The following TRMT61B variants were observed in gnomAD, a reference collection of about 807,000 sequenced individuals.
TRMT61B encodes tRNA (adenine(58)-N(1))-methyltransferase, mitochondrial.
In TRMT61B, 56 loss-of-function variants were observed where a neutral mutation model predicts 52.0. The observed-to-expected ratio is 1.08, with a 90% CI of 0.87 to 1.35. The LOEUF (loss-of-function observed/expected upper bound fraction) is 1.35. Ranked by LOEUF, TRMT61B falls within the 40% of genes most tolerant of loss-of-function variation. The probability of loss-of-function intolerance (pLI) is 0.00; values close to 1 mark genes in which losing one functional copy is unlikely to be tolerated. For missense variants in TRMT61B, 650 were observed against 577.9 expected, an observed-to-expected ratio of 1.12 and a Z score of -1.28; for synonymous variants, 206 against 220.0, an observed-to-expected ratio of 0.94 and a Z score of 0.56.
At chr2:28,858,171 G>A (rs1438114108) in intron 3 of TRMT61B, among the ~76,000 whole-genome samples, 3 of 151,476 alleles carry the variant, frequency 2.0e-5, no homozygotes, top group Non-Finnish European at 4.4e-5. Flanking sequence ...CTCCCCAGTA[G>A]CTGGGACTAC....
chr2:28,861,027 G>T, intron 3 of TRMT61B, 91 bp downstream of exon 3: 1 of 1,086,814 alleles, frequency 9.2e-7, no homozygotes, highest in Non-Finnish European at 1.3e-6. Flanking sequence ...TGAAGCAAAC[G>T]AAGGAAGACC....
intron 2 of TRMT61B, among the ~76,000 whole-genome samples, chr2:28,862,949 G>A (rs545968871): frequency 4.6e-5 from 7 of 151,902 alleles, no homozygotes; most frequent in Admixed American, 3.3e-4. Context: ...CAATTCCAGA[G>A]AGGAGTACTA....
At chr2:28,861,346 TCA>T in intron 2 of TRMT61B, 38 bp from the exon 3 acceptor site, 1 of 1,473,758 alleles carries the variant, frequency 6.8e-7, no homozygotes, top group Middle Eastern at 1.8e-4. Flanking sequence ...ATAATATTAA[TCA>T]GTTTATTAAA....
intron 3 of TRMT61B, among the ~76,000 whole-genome samples, chr2:28,855,790 G>C (rs1318558744): frequency 6.6e-6 from 1 of 152,166 alleles, no homozygotes; most frequent in African/African-American, 2.4e-5. Flanking sequence ...CCAACATGGT[G>C]AAACCCTGTC....
At position 28,869,451 on chromosome 2, in the gene TRMT61B, T is replaced by A. The variant is rs532228290; in HGVS notation, c.699+128A>T. 9.6e-4 allele frequency: 608 copies of A among 636,246 alleles called. 2 individuals carry two copies. The highest frequency in any genetic ancestry group is 1.5e-3 in the Admixed American group (55 of 36,526). The allele number at this position is 636,246 out of a possible 1,614,324, so 39.4% of individuals were successfully genotyped here. ...AAAAGTTATAACCATTGGTTTATTT[T>A]AAAAGCCTGAGTACAATAAAAAATC... On this transcript the variant is annotated intron_variant, in intron 1 of 6. Transcript: ENST00000306108.
chr2:28,870,231 T>C lies in TRMT61B; in HGVS notation c.47A>G (p.Gln16Arg). ...CRGPVLLCLR[Q>R]GLGTNSFLHG... is the part of the protein sequence containing the mutation. ...CAGGAATGAATTGGTTCCGAGCCCC[T>C]GCCGCAGGCACAGCAAGACAGGACC... Residue 16 changes from glutamine to arginine, a missense_variant, in exon 1 of 7, where the codon CAG becomes CGG. By Grantham distance (43) the Gln-to-Arg change is conservative (BLOSUM62 1). Coordinates refer to ENST00000306108, the MANE Select transcript of TRMT61B (RefSeq NM_017910.4). 4 of 1,609,862 alleles carry C rather than the reference T, an allele frequency of 2.5e-6. No homozygotes were observed. The highest frequency in any genetic ancestry group is 1.1e-5 in the South Asian group (1 of 90,876).
chr2:28,862,227 A>G (rs1309772876), intron 2 of TRMT61B, among the ~76,000 whole-genome samples: 2 of 144,382 alleles, frequency 1.4e-5, no homozygotes, highest in African/African-American at 5.0e-5. Context: ...AAAAAAAAAA[A>G]GAATACCTGT....
chr2:28,870,031 A>T lies in TRMT61B; in HGVS notation c.247T>A (p.Ser83Thr). 1.2e-6 allele frequency: 2 copies of T among 1,613,802 alleles called. No homozygotes were observed. Among genetic ancestry groups the T allele is most frequent in the Non-Finnish European group, 1.7e-6 (2 of 1,180,022 alleles). Residue 83 changes from serine to threonine, a missense_variant, in exon 1 of 7, where the codon TCG becomes ACG. Physicochemically the swap from Ser to Thr is moderately conservative, Grantham distance 58 (BLOSUM62 1). Transcript: ENST00000306108. Reference sequence around the variant, plus strand: ...GGCAGTCTGAGGTTTTCCAGTGACGAAAGACATCCAGTCCCAATGTCCGAG... The same window carrying T: ...GGCAGTCTGAGGTTTTCCAGTGACGTAAGACATCCAGTCCCAATGTCCGAG... ...SISDIGTGCL[S>T]SLENLRLPTL...
intron 1 of TRMT61B, among the ~76,000 whole-genome samples, chr2:28,866,057 T>C (rs1669831391): frequency 6.6e-6 from 1 of 151,600 alleles, no homozygotes. Flanking sequence ...TGGTACAATC[T>C]TGGCTCACTG....
intron 1 of TRMT61B, among the ~76,000 whole-genome samples, chr2:28,868,753 G>C (rs1005244888): frequency 6.6e-6 from 1 of 152,186 alleles, no homozygotes; most frequent in Non-Finnish European, 1.5e-5. Context: ...GGTGGCTCCC[G>C]CCTGTAATCC....
chr2:28,870,003 G>A lies in TRMT61B; in HGVS notation c.275C>T (p.Thr92Met). 6.2e-7 allele frequency: 1 copy of A among 1,613,736 alleles called. No homozygotes were observed. Among genetic ancestry groups the A allele is most frequent in the Admixed American group, 1.7e-5 (1 of 60,024 alleles). Residue 92 changes from threonine to methionine, a missense_variant, in exon 1 of 7, where the codon ACG becomes ATG. Coordinates refer to ENST00000306108, the MANE Select transcript of TRMT61B (RefSeq NM_017910.4). ...LSSLENLRLP[T>M]LREESSPREL... ...TCGAGGGGATGACTCTTCCCGCAGC[G>A]TCGGCAGTCTGAGGTTTTCCAGTGA...
intron 1 of TRMT61B, among the ~76,000 whole-genome samples, chr2:28,865,843 GC>G (rs1478865000): frequency 2.0e-5 from 3 of 151,268 alleles, no homozygotes; most frequent in Non-Finnish European, 4.4e-5. Flanking sequence ...ACCATGCCCG[GC>G]TAATTTTTGT....
intron 3 of TRMT61B, among the ~76,000 whole-genome samples, chr2:28,858,751 T>C (rs1240143084): frequency 2.7e-5 from 3 of 109,746 alleles, no homozygotes; most frequent in Non-Finnish European, 5.0e-5. Context: ...GCCAAGATCA[T>C]ACCACTGTAC....
chr2:28,868,838 C>A (rs1263426737), intron 1 of TRMT61B, among the ~76,000 whole-genome samples: 2 of 152,168 alleles, frequency 1.3e-5, no homozygotes, highest in East Asian at 3.9e-4. Flanking sequence ...TAAGGCGAAA[C>A]CCCGTCTCTA....
intron 3 of TRMT61B, among the ~76,000 whole-genome samples, chr2:28,858,585 T>C (rs1572541082): frequency 6.6e-6 from 1 of 151,066 alleles, no homozygotes; most frequent in Admixed American, 6.6e-5. Flanking sequence ...GCTTGAGCCC[T>C]GGAGTTCGAG....
chr2:28,870,199 G>A lies in TRMT61B; in HGVS notation c.79C>T (p.Leu27=). ...GLGTNSFLHG[L]GQEPFEGARS... is the part of the protein sequence containing the mutation. ...GCTCCCTCGAAGGGCTCCTGCCCCA[G>A]GCCGTGCAGGAATGAATTGGTTCCG... Residue 27 remains leucine, a synonymous_variant, in exon 1 of 7, where the codon CTG becomes TTG. Transcript: ENST00000306108. 1 of 1,612,610 alleles carries A rather than the reference G, an allele frequency of 6.2e-7. No homozygotes were observed. Among genetic ancestry groups the A allele is most frequent in the South Asian group, 1.1e-5 (1 of 91,058 alleles).
At chr2:28,859,958 T>C (rs1669526677) in intron 3 of TRMT61B, among the ~76,000 whole-genome samples, 1 of 152,042 alleles carries the variant, frequency 6.6e-6, no homozygotes, top group Non-Finnish European at 1.5e-5. Flanking sequence ...ATATCAGAGC[T>C]GGAAGCCAGT....
chr2:28,857,271 T>A (rs1375418572), intron 3 of TRMT61B, among the ~76,000 whole-genome samples: 1 of 152,048 alleles, frequency 6.6e-6, no homozygotes, highest in African/African-American at 2.4e-5. Context: ...ATATTTCTTA[T>A]TCATTTTTTG....
At chr2:28,859,231 C>T (rs1227293376) in intron 3 of TRMT61B, among the ~76,000 whole-genome samples, 2 of 152,154 alleles carry the variant, frequency 1.3e-5, no homozygotes, top group Non-Finnish European at 2.9e-5. Flanking sequence ...AGGCACCCGC[C>T]ACCACGCCCG....
Sources: gnomAD v4.1 joint callset for allele counts (sites outside exome capture counted in the v4.1 genomes callset) on GRCh38, gnomAD v4.1.1 for gene constraint, MANE v1.5 for transcripts, NCBI Gene and HGNC (gene_info 2026-07-23, HGNC 2026-07-21) for gene names.